PPM1H: variants seen among roughly 807,000 people sequenced by gnomAD.
PPM1H encodes the protein protein phosphatase, Mg2+/Mn2+ dependent 1H, also known as protein phosphatase 1H.
A neutral mutation model predicts 54.9 loss-of-function variants in PPM1H; 27 were observed. The ratio of observed to expected loss-of-function variants is 0.49; its 90% confidence interval spans 0.36 to 0.68. The LOEUF (loss-of-function observed/expected upper bound fraction) is 0.68. Ranked by LOEUF, PPM1H falls within the 30% of genes least tolerant of loss-of-function variation. PPM1H has a pLI of 0.00. For missense variants in PPM1H, 596 were observed against 667.8 expected, an observed-to-expected ratio of 0.89 and a Z score of 1.19; for synonymous variants, 305 against 270.8, an observed-to-expected ratio of 1.13 and a Z score of -1.24.
intron 6 of PPM1H, among the ~76,000 whole-genome samples, chr12:62,707,716 C>A (rs1251489657): frequency 6.6e-6 from 1 of 152,158 alleles, no homozygotes; most frequent in African/African-American, 2.4e-5. Context: ...CTGTAATCAT[C>A]CATATATGGC....
chr12:62,843,194 T>C (rs138657435), intron 1 of PPM1H, among the ~76,000 whole-genome samples: 26 of 152,232 alleles, frequency 1.7e-4, no homozygotes, highest in African/African-American at 5.8e-4. Context: ...TGCGTGCGTA[T>C]AGTCCCAGCT....
intron 1 of PPM1H, among the ~76,000 whole-genome samples, chr12:62,900,107 T>C (rs557691525): frequency 2.8e-4 from 42 of 152,328 alleles, no homozygotes; most frequent in African/African-American, 1.0e-3. Context: ...GTCTGTGATA[T>C]TTTGTTATAC....
intron 4 of PPM1H, among the ~76,000 whole-genome samples, chr12:62,741,124 C>T (rs942441591): frequency 1.3e-5 from 2 of 152,162 alleles, no homozygotes; most frequent in Non-Finnish European, 2.9e-5. Flanking sequence ...TCTCTATCTC[C>T]GGGAACCAAA....
intron 6 of PPM1H, among the ~76,000 whole-genome samples, chr12:62,705,590 A>ATGAC (rs1444571452): frequency 6.6e-6 from 1 of 152,228 alleles, no homozygotes; most frequent in Non-Finnish European, 1.5e-5. Context: ...AACATTATGA[A>ATGAC]TGACTCTTAA....
chr12:62,783,265 C>T (rs1413989321), intron 4 of PPM1H, among the ~76,000 whole-genome samples: 5 of 152,216 alleles, frequency 3.3e-5, no homozygotes, highest in African/African-American at 1.2e-4. Context: ...ATCTTGTCAA[C>T]AACTGCAGTG....
chr12:62,841,845 C>T (rs1432573178), intron 1 of PPM1H, among the ~76,000 whole-genome samples: 2 of 152,156 alleles, frequency 1.3e-5, no homozygotes, highest in East Asian at 3.8e-4. Context: ...ATAATGTTGC[C>T]TCATAGATTT....
At chr12:62,748,242 C>CA (rs528735701) in intron 4 of PPM1H, among the ~76,000 whole-genome samples, 5,642 of 120,228 alleles carry the variant, frequency 0.047, 125 homozygotes, top group East Asian at 0.078. Flanking sequence ...GACTCCGTCT[C>CA]AAAAAAAAAA....
At chr12:62,919,843 G>A (rs557477349) in intron 1 of PPM1H, among the ~76,000 whole-genome samples, 3 of 152,232 alleles carry the variant, frequency 2.0e-5, no homozygotes, top group South Asian at 4.1e-4. Context: ...AAAGGGCAGC[G>A]TGGCCAGGTA....
At chr12:62,895,886 T>C (rs1309833962) in intron 1 of PPM1H, among the ~76,000 whole-genome samples, 2 of 152,156 alleles carry the variant, frequency 1.3e-5, no homozygotes, top group African/African-American at 4.8e-5. Flanking sequence ...ATGAGCCAAC[T>C]AAACCTCCTT....
At chr12:62,784,906 A>G (rs1193313381) in intron 4 of PPM1H, among the ~76,000 whole-genome samples, 2 of 152,216 alleles carry the variant, frequency 1.3e-5, no homozygotes, top group Non-Finnish European at 2.9e-5. Flanking sequence ...ACCAACTCAC[A>G]TTGTTCTCAG....
chr12:62,704,836 T>C (rs2120397538), intron 6 of PPM1H, among the ~76,000 whole-genome samples: 1 of 152,320 alleles, frequency 6.6e-6, no homozygotes, highest in South Asian at 2.1e-4. Context: ...GGAAATCACC[T>C]GATTGGTAGG....
chr12:62,846,561 C>T (rs747475588), intron 1 of PPM1H, among the ~76,000 whole-genome samples: 3 of 151,408 alleles, frequency 2.0e-5, no homozygotes, highest in South Asian at 4.2e-4. Context: ...GTCTTCCTGA[C>T]GGGCCCTCTG....
At chr12:62,769,457 G>A (rs1464762490) in intron 4 of PPM1H, among the ~76,000 whole-genome samples, 2 of 152,202 alleles carry the variant, frequency 1.3e-5, no homozygotes, top group Non-Finnish European at 2.9e-5. Flanking sequence ...AACCAGCCTC[G>A]TGGCCTGAAC....
chr12:62,744,865 C>T (rs2076401776), intron 4 of PPM1H, among the ~76,000 whole-genome samples: 1 of 152,220 alleles, frequency 6.6e-6, no homozygotes, highest in Non-Finnish European at 1.5e-5. Flanking sequence ...CCTTCCCCTT[C>T]TCTCCCTGGC....
intron 4 of PPM1H, among the ~76,000 whole-genome samples, chr12:62,759,995 C>T (rs2076498709): frequency 6.6e-6 from 1 of 152,114 alleles, no homozygotes; most frequent in South Asian, 2.1e-4. Context: ...CTATGGGCAA[C>T]CTTCCACCCT....
intron 1 of PPM1H, among the ~76,000 whole-genome samples, chr12:62,880,154 T>G (rs669622): frequency 0.43 from 65,345 of 152,116 alleles, 14,609 homozygotes; most frequent in East Asian, 0.58. Flanking sequence ...TGTATACATA[T>G]GCATATACAC....
At chr12:62,676,763 T>A (rs2136623240) in intron 8 of PPM1H, among the ~76,000 whole-genome samples, 1 of 152,060 alleles carries the variant, frequency 6.6e-6, no homozygotes, top group Non-Finnish European at 1.5e-5. Context: ...TGGCTCAAGG[T>A]GGGCCTGCAG....
intron 2 of PPM1H, among the ~76,000 whole-genome samples, chr12:62,812,784 A>G (rs768543417): frequency 9.5e-5 from 14 of 147,396 alleles, no homozygotes; most frequent in Non-Finnish European, 1.8e-4. Flanking sequence ...CTAGTATGCC[A>G]GAACTTAATG....
intron 4 of PPM1H, among the ~76,000 whole-genome samples, chr12:62,756,670 G>A (rs866522741): frequency 1.3e-5 from 2 of 151,832 alleles, no homozygotes; most frequent in Non-Finnish European, 2.9e-5. Flanking sequence ...AAGGTGAAGA[G>A]TACTTACTGA....
Sources: allele counts gnomAD v4.1 joint callset (sites outside exome capture counted in the v4.1 genomes callset), GRCh38; gene constraint gnomAD v4.1.1; transcripts MANE v1.5; gene names NCBI Gene and HGNC (gene_info 2026-07-23, HGNC 2026-07-21).